The following HAPSTR1 variants were observed in gnomAD, a reference collection of about 807,000 sequenced individuals.
HAPSTR1 encodes the protein HUWE1-associated protein modifying stress responses 1.
the HAPSTR1 span, among the ~76,000 whole-genome samples, chr16:9,096,745 C>T: frequency 6.6e-6 from 1 of 152,078 alleles, no homozygotes; most frequent in Non-Finnish European, 1.5e-5. Flanking sequence ...CATTAAATTT[C>T]TATTTAACTT....
At chr16:9,119,847 G>A in the HAPSTR1 span, 3 of 152,190 alleles carry the variant, frequency 2.0e-5, no homozygotes, top group Non-Finnish European at 4.4e-5. Flanking sequence ...AATAATTGTG[G>A]CTTTGGGCCT....
At chr16:9,100,019 G>A in the HAPSTR1 span, among the ~76,000 whole-genome samples, 1 of 152,192 alleles carries the variant, frequency 6.6e-6, no homozygotes, top group Non-Finnish European at 1.5e-5. Context: ...AATATATACT[G>A]TTAACAGTAC....
At chr16:9,107,024 C>T in the HAPSTR1 span, 1 of 152,228 alleles carries the variant, frequency 6.6e-6, no homozygotes. Flanking sequence ...GTCCTCAGGC[C>T]CTGTCACTGC....
the HAPSTR1 span, chr16:9,105,051 T>A: frequency 1.3e-5 from 2 of 152,246 alleles, no homozygotes; most frequent in South Asian, 2.1e-4. Context: ...TACATAATAG[T>A]AAAAAGGGCA....
the HAPSTR1 span, chr16:9,109,589 A>G: frequency 6.6e-6 from 1 of 152,064 alleles, no homozygotes; most frequent in African/African-American, 2.4e-5. Context: ...ATCATTTCAG[A>G]CTCAAAGGCC....
the HAPSTR1 span, among the ~76,000 whole-genome samples, chr16:9,094,902 C>T: frequency 2.6e-5 from 4 of 152,276 alleles, no homozygotes; most frequent in Admixed American, 6.5e-5. Context: ...TAGGACTAAC[C>T]TAGCAGTTTT....
the HAPSTR1 span, chr16:9,118,741 T>C: frequency 1.3e-5 from 2 of 152,584 alleles, no homozygotes; most frequent in African/African-American, 4.8e-5. Context: ...TGTTTTTCTA[T>C]CGTAAATTTA....
the HAPSTR1 span, chr16:9,116,982 A>G: frequency 1.3e-6 from 2 of 1,577,056 alleles, no homozygotes; most frequent in African/African-American, 2.7e-5. Flanking sequence ...CTATAATTGC[A>G]AAGGAAACAT....
At chr16:9,112,390 C>G in the HAPSTR1 span, 3 of 152,208 alleles carry the variant, frequency 2.0e-5, no homozygotes, top group Non-Finnish European at 4.4e-5. Flanking sequence ...ATGGGAGATA[C>G]ACTGGTGGAA....
chr16:9,110,359 A>T, the HAPSTR1 span: 5 of 152,198 alleles, frequency 3.3e-5, no homozygotes, highest in Non-Finnish European at 5.9e-5. Context: ...TGTAAGGCAG[A>T]TAACTAATTT....
chr16:9,094,831 G>T, the HAPSTR1 span, among the ~76,000 whole-genome samples: 1 of 152,206 alleles, frequency 6.6e-6, no homozygotes, highest in African/African-American at 2.4e-5. Flanking sequence ...AGCCTAGGCC[G>T]TATAAAATGG....
At chr16:9,121,119 T>C in the HAPSTR1 span, 2 of 152,256 alleles carry the variant, frequency 1.3e-5, no homozygotes, top group East Asian at 3.9e-4. Flanking sequence ...CCAGCTAATT[T>C]AATTTTGAAT....
the HAPSTR1 span, chr16:9,112,553 G>A: frequency 6.6e-6 from 1 of 152,284 alleles, no homozygotes; most frequent in Non-Finnish European, 1.5e-5. Flanking sequence ...CTGCTGGACT[G>A]AGGCAGTGAG....
At chr16:9,102,317 T>G in the HAPSTR1 span, among the ~76,000 whole-genome samples, 2 of 152,028 alleles carry the variant, frequency 1.3e-5, no homozygotes, top group Non-Finnish European at 2.9e-5. Flanking sequence ...TTCAACTAAA[T>G]GAAACCACTA....
chr16:9,119,549 TATTAA>T, the HAPSTR1 span: 2 of 152,238 alleles, frequency 1.3e-5, no homozygotes, highest in Non-Finnish European at 2.9e-5. Context: ...ATGGCTGAAG[TATTAA>T]AATGTTTAAT....
At chr16:9,115,009 T>C in the HAPSTR1 span, among the ~76,000 whole-genome samples, 1 of 152,130 alleles carries the variant, frequency 6.6e-6, no homozygotes, top group East Asian at 1.9e-4. Flanking sequence ...AGGATGTGTC[T>C]TCTGCAGGGA....
chr16:9,121,413 G>C, the HAPSTR1 span: 3 of 152,196 alleles, frequency 2.0e-5, no homozygotes, highest in Non-Finnish European at 4.4e-5. Flanking sequence ...TTACATCGTA[G>C]CCAGTGTTGG....
At chr16:9,120,510 AG>A in the HAPSTR1 span, 3 of 88,868 alleles carry the variant, frequency 3.4e-5, no homozygotes, top group Admixed American at 1.2e-4. Flanking sequence ...TGTGAAGTTC[AG>A]TTAGACAGTA....
the HAPSTR1 span, chr16:9,092,222 T>C: frequency 1.3e-6 from 2 of 1,586,652 alleles, no homozygotes; most frequent in Non-Finnish European, 1.7e-6. Context: ...GCAGAAGCTG[T>C]GGCACCTCTT....
Sources: allele counts gnomAD v4.1 joint callset (sites outside exome capture counted in the v4.1 genomes callset), GRCh38; gene constraint gnomAD v4.1.1; transcripts MANE v1.5; gene names NCBI Gene and HGNC (gene_info 2026-07-23, HGNC 2026-07-21).